Variants in PSD3 observed in about 807,000 individuals in gnomAD.
The protein encoded by PSD3 is PH and SEC7 domain-containing protein 3.
In PSD3, 49 loss-of-function variants were observed where a neutral mutation model predicts 105.5. The observed-to-expected ratio is 0.46, with a 90% CI of 0.37 to 0.59. PSD3 has a LOEUF of 0.59. PSD3 is among the 20% of genes least tolerant of loss of function. The pLI is 0.00. For synonymous variants in PSD3, 557 were observed against 457.8 expected (o/e 1.22, Z -2.77); for missense variants, 1,561 against 1,263.8 (o/e 1.24, Z -3.57).
At chr8:18,805,933 G>T (rs901773778) in intron 4 of PSD3, among the ~76,000 whole-genome samples, 5 of 152,156 alleles carry the variant, frequency 3.3e-5, no homozygotes, top group Admixed American at 6.5e-5. Context: ...ACCATAGTTT[G>T]TCAGTCATTC....
chr8:18,547,650 C>T (rs1800526450), intron 15 of PSD3, among the ~76,000 whole-genome samples: 1 of 152,162 alleles, frequency 6.6e-6, no homozygotes, highest in Non-Finnish European at 1.5e-5. Context: ...TTGTGAGGGG[C>T]ATAAGTGGCA....
intron 4 of PSD3, among the ~76,000 whole-genome samples, chr8:18,814,946 G>C (rs377727914): frequency 6.6e-6 from 1 of 152,316 alleles, no homozygotes; most frequent in East Asian, 1.9e-4. Context: ...ATGTGGATAA[G>C]AACTACAATT....
At chr8:18,934,772 G>T (rs186254041) in intron 2 of PSD3, among the ~76,000 whole-genome samples, 1 of 152,180 alleles carries the variant, frequency 6.6e-6, no homozygotes, top group Non-Finnish European at 1.5e-5. Context: ...AACTCAAGAA[G>T]TCTAGATCCA....
chr8:18,890,244 A>G (rs567853089), intron 2 of PSD3, among the ~76,000 whole-genome samples: 2 of 152,212 alleles, frequency 1.3e-5, no homozygotes, highest in Non-Finnish European at 2.9e-5. Context: ...ACAAGAAATC[A>G]GTTTTCCTAG....
At chr8:18,615,776 G>A (rs192891733) in intron 11 of PSD3, among the ~76,000 whole-genome samples, 11 of 152,338 alleles carry the variant, frequency 7.2e-5, no homozygotes, top group African/African-American at 2.6e-4. Context: ...GGCTTGTCAA[G>A]TGACAGCAAA....
At chr8:18,611,743 T>TA (rs1402850894) in intron 11 of PSD3, among the ~76,000 whole-genome samples, 1 of 148,298 alleles carries the variant, frequency 6.7e-6, no homozygotes, top group Non-Finnish European at 1.5e-5. Context: ...ATTAGAGCCT[T>TA]AAGGGAATGT....
At chr8:18,875,759 G>C (rs1229588996) in intron 2 of PSD3, among the ~76,000 whole-genome samples, 1 of 151,992 alleles carries the variant, frequency 6.6e-6, no homozygotes, top group African/African-American at 2.4e-5. Context: ...GGATGGTCTC[G>C]ATCTCCTGAC....
intron 11 of PSD3, among the ~76,000 whole-genome samples, chr8:18,611,862 C>T (rs1213758075): frequency 6.6e-6 from 1 of 152,148 alleles, no homozygotes; most frequent in African/African-American, 2.4e-5. Context: ...TTTTCCTTAT[C>T]TACACTGTTT....
chr8:18,825,983 G>C (rs1301031144), intron 4 of PSD3, among the ~76,000 whole-genome samples: 3 of 152,202 alleles, frequency 2.0e-5, no homozygotes, highest in Non-Finnish European at 4.4e-5. Context: ...GCTTCTAGAA[G>C]AGATGAGCGT....
chr8:18,844,735 C>T (rs952026088), intron 4 of PSD3, among the ~76,000 whole-genome samples: 1 of 152,112 alleles, frequency 6.6e-6, no homozygotes, highest in Non-Finnish European at 1.5e-5. Context: ...GCACAAAAAC[C>T]AATGTGTAAG....
intron 4 of PSD3, among the ~76,000 whole-genome samples, chr8:18,818,663 G>C (rs1812425562): frequency 6.6e-6 from 1 of 150,938 alleles, no homozygotes; most frequent in South Asian, 2.1e-4. Context: ...AACAAATTTA[G>C]TGAATAATGT....
intron 1 of PSD3, among the ~76,000 whole-genome samples, chr8:19,031,807 A>C (rs1402860795): frequency 6.6e-6 from 1 of 152,236 alleles, no homozygotes; most frequent in Non-Finnish European, 1.5e-5. Flanking sequence ...TTAGTCTCAT[A>C]GAACTGAACT....
chr8:18,993,479 T>C (rs989679106), intron 1 of PSD3, among the ~76,000 whole-genome samples: 1 of 150,692 alleles, frequency 6.6e-6, no homozygotes, highest in African/African-American at 2.4e-5. Context: ...CAGCATTGCT[T>C]TAACAGTTAA....
intron 4 of PSD3, among the ~76,000 whole-genome samples, chr8:18,826,098 C>G (rs190787263): frequency 6.8e-4 from 104 of 152,298 alleles, no homozygotes; most frequent in African/African-American, 2.4e-3. Context: ...AGTCTGAATT[C>G]AATCTCTTCC....
At chr8:18,784,660 T>C (rs1282546413) in intron 8 of PSD3, among the ~76,000 whole-genome samples, 2 of 152,174 alleles carry the variant, frequency 1.3e-5, no homozygotes, top group Admixed American at 6.5e-5. Context: ...GAAACATTTA[T>C]CCCTTTAATA....
At chr8:18,542,699 CTGT>C (rs1201156922) in intron 15 of PSD3, among the ~76,000 whole-genome samples, 1 of 152,132 alleles carries the variant, frequency 6.6e-6, no homozygotes, top group African/African-American at 2.4e-5. Flanking sequence ...GTCAAGTAGC[CTGT>C]TGTTGACAAT....
At chr8:18,972,395 A>G (rs1391120445) in intron 1 of PSD3, among the ~76,000 whole-genome samples, 1 of 152,250 alleles carries the variant, frequency 6.6e-6, no homozygotes, top group East Asian at 1.9e-4. Flanking sequence ...GACAGATGTG[A>G]TCAAAGAGCA....
rs868789574 is a variant in PSD3 at position 18,534,459 on chromosome 8, C to T, written c.*1284G>A. On this transcript the variant is annotated 3_prime_UTR_variant, in exon 16 of 16. Transcript: ENST00000327040. The stretch of plus-strand genomic sequence containing the variant: ...GCTCATGACTGCAAAGTTAATAGAA[C>T]CATTTTGAGTAGACAGAAAGAAAGG... 2.8e-4 allele frequency: 43 copies of T among 152,440 alleles called. No homozygotes were observed. The highest frequency in any genetic ancestry group is 1.0e-3 in the African/African-American group (43 of 41,454). 9.4% of individuals were successfully genotyped at this position (152,440 alleles called of 1,614,324 possible).
chr8:18,860,100 G>C (rs1417367887), intron 4 of PSD3, among the ~76,000 whole-genome samples: 1 of 152,114 alleles, frequency 6.6e-6, no homozygotes, highest in African/African-American at 2.4e-5. Context: ...AGGCATTGCA[G>C]GGTTATTAAC....
Sources: gnomAD v4.1 joint callset for allele counts (sites outside exome capture counted in the v4.1 genomes callset) on GRCh38, gnomAD v4.1.1 for gene constraint, MANE v1.5 for transcripts, NCBI Gene and HGNC (gene_info 2026-07-23, HGNC 2026-07-21) for gene names.